Variants in PARD3B observed in about 807,000 individuals in gnomAD.
PARD3B encodes the protein par-3 family cell polarity regulator beta, also known as partitioning defective 3 homolog B.
PARD3B carries 103 observed loss-of-function variants against 130.2 expected under a neutral mutation model. That is an observed-to-expected ratio of 0.79 (90% CI 0.67 to 0.93). The LOEUF is 0.93. Among genes scored for constraint, PARD3B ranks in the 40% least tolerant of loss-of-function variants. The pLI, the probability that PARD3B is intolerant of heterozygous loss-of-function variation, is 0.00. For synonymous variants in PARD3B, 583 were observed against 553.2 expected, an observed-to-expected ratio of 1.05 and a Z score of -0.76; for missense variants, 1,609 against 1,499.2, an observed-to-expected ratio of 1.07 and a Z score of -1.21.
chr2:205,111,216 T>C (rs558477887), intron 5 of PARD3B, among the ~76,000 whole-genome samples: 1 of 152,196 alleles, frequency 6.6e-6, no homozygotes, highest in Non-Finnish European at 1.5e-5. Context: ...GTAAACAAAA[T>C]TGAAAGTCTG....
In PARD3B at chr2:204,890,701, G is replaced by T. The variant is rs371629004; in HGVS notation, c.223-74451G>T. ...TCACAAAGTGACAACTGAGCTAGAT[G>T]TACACATGGCCTAAGGCCTGCTAGC... On this transcript the variant is annotated intron_variant, in intron 2 of 22. Transcript: ENST00000406610. The surrounding 1 kb of genome is among the most constrained non-coding windows in gnomAD (Gnocchi z 4.9). Among the ~76,000 whole-genome samples the T allele has an allele frequency of 2.6e-5, 4 of 152,150 alleles. No homozygotes were observed. The highest frequency in any genetic ancestry group is 7.2e-5 in the African/African-American group (3 of 41,432).
chr2:205,284,805 A>C (rs1251914897), intron 16 of PARD3B, among the ~76,000 whole-genome samples: 1 of 152,174 alleles, frequency 6.6e-6, no homozygotes, highest in Non-Finnish European at 1.5e-5. Context: ...GGTCTTTTAA[A>C]TCATCATAAA....
rs1384663426 is a variant in PARD3B at position 205,550,820 on chromosome 2, A to G, written c.3181-2504A>G. The stretch of plus-strand genomic sequence containing the variant: ...AATATATGCATATTTATATGTATAT[A>G]TGTATATTTTATGTATATTTGAATA... On this transcript the variant is annotated intron_variant, in intron 21 of 22. Transcript: ENST00000406610. This position sits in a 1 kb window ranked among gnomAD's most constrained non-coding sequence, Gnocchi z 4.5. 8.1e-5 allele frequency among the ~76,000 whole-genome samples: 12 copies of G among 148,774 alleles called. No individual in the cohort carries two copies. In the Admixed American group the frequency reaches 8.1e-4, roughly 10 times the overall value.
chr2:204,666,627 G>A (rs938618900), intron 1 of PARD3B, among the ~76,000 whole-genome samples: 7 of 152,018 alleles, frequency 4.6e-5, no homozygotes, highest in Admixed American at 1.3e-4. Flanking sequence ...AGAATTTGTC[G>A]ATGGATATCA....
chr2:204,744,766 G>A (rs533399530), intron 2 of PARD3B, among the ~76,000 whole-genome samples: 4 of 152,150 alleles, frequency 2.6e-5, no homozygotes, highest in South Asian at 4.2e-4. Context: ...GGGACCAGGC[G>A]GAAAACAGTG....
rs759338831 is a variant in PARD3B at position 205,300,821 on chromosome 2, A to C, written c.2392+85A>C. 2.7e-5 allele frequency: 35 copies of C among 1,304,808 alleles called. No individual in the cohort carries two copies. Among genetic ancestry groups the C allele is most frequent in the Admixed American group, 1.4e-4 (6 of 43,958 alleles). The allele number at this position is 1,304,808 out of a possible 1,614,324, so 80.8% of individuals were successfully genotyped here. A position where few individuals can be genotyped will look rare whatever the true frequency, so the allele number is the denominator to read the frequency against. On this transcript the variant is annotated intron_variant, in intron 17 of 22. Transcript: ENST00000406610. This position sits in a 1 kb window ranked among gnomAD's most constrained non-coding sequence, Gnocchi z 4.1. The stretch of plus-strand genomic sequence containing the variant: ...GCAAGAATGTGTGCTCAACTACAGA[A>C]AAAAATGATTTAAGGATCACAATTA...
At chr2:205,133,444 A>G (rs2032195407) in intron 10 of PARD3B, among the ~76,000 whole-genome samples, 2 of 152,192 alleles carry the variant, frequency 1.3e-5, no homozygotes, top group South Asian at 4.1e-4. Flanking sequence ...CTACTGAACC[A>G]GAAATTCTGG....
chr2:204,851,663 C>CAATAAAATA lies in PARD3B; in HGVS notation c.223-113488_223-113480dup, dbSNP rs1161561924. 2.6e-5 allele frequency among the ~76,000 whole-genome samples: 4 copies of CAATAAAATA among 151,844 alleles called. No individual in the cohort carries two copies. The South Asian group carries it at 6.2e-4, about 24-fold the overall frequency. On this transcript the variant is annotated intron_variant, in intron 2 of 22. Transcript: ENST00000406610. ...TCATTATTAATAAATGGGCACATTG[C>CAATAAAATA]AATAAAATATACGTTATCAACTGGC...
At chr2:205,490,474 T>C (rs2049656285) in intron 20 of PARD3B, among the ~76,000 whole-genome samples, 1 of 152,320 alleles carries the variant, frequency 6.6e-6, no homozygotes, top group Non-Finnish European at 1.5e-5. Context: ...TAGTATTCTG[T>C]GGTGTATATG....
chr2:204,989,815 T>A (rs1693492410), intron 3 of PARD3B, among the ~76,000 whole-genome samples: 1 of 152,276 alleles, frequency 6.6e-6, no homozygotes, highest in African/African-American at 2.4e-5. Flanking sequence ...CAGTATAGTT[T>A]CCTTTTTTAA....
At chr2:205,462,348 A>G (rs1258145150) in intron 20 of PARD3B, among the ~76,000 whole-genome samples, 1 of 152,218 alleles carries the variant, frequency 6.6e-6, no homozygotes, top group African/African-American at 2.4e-5. Flanking sequence ...TCTTTCATCA[A>G]TCAGTACATT....
rs1041370988 is a variant in PARD3B, at chr2:205,352,721, C to T, written c.2631-48292C>T. 1.3e-5 allele frequency among the ~76,000 whole-genome samples: 2 copies of T among 152,130 alleles called. No homozygotes were observed. The highest frequency in any genetic ancestry group is 2.9e-5 in the Non-Finnish European group (2 of 68,018). ...CGTTTTACTCACCCCTCATGCTTTGCACCTAAAGTGTGCTCATAACTTTGC... is the reference window on the plus strand; with the variant it reads ...CGTTTTACTCACCCCTCATGCTTTGTACCTAAAGTGTGCTCATAACTTTGC... On this transcript the variant is annotated intron_variant, in intron 18 of 22. Coordinates refer to ENST00000406610, the MANE Select transcript of PARD3B (RefSeq NM_001302769.2). This position sits in a 1 kb window ranked among gnomAD's most constrained non-coding sequence, Gnocchi z 5.2.
Position 204,664,980 on chromosome 2 carries a change from C to A in PARD3B, c.121-21201C>A, listed in dbSNP as rs1160750885. Among the ~76,000 whole-genome samples, 1 of 152,038 alleles carries A rather than the reference C, an allele frequency of 6.6e-6. No individual in the cohort carries two copies. Among genetic ancestry groups the A allele is most frequent in the Non-Finnish European group, 1.5e-5 (1 of 68,020 alleles). On this transcript the variant is annotated intron_variant, in intron 1 of 22. Transcript: ENST00000406610. This position sits in a 1 kb window ranked among gnomAD's most constrained non-coding sequence, Gnocchi z 5.2. ...TTTCTAGGTTCAGTTTTAGCAAATCCGTTGCTCTCATGAAGACTGTAGAGA... is the reference window on the plus strand; with the variant it reads ...TTTCTAGGTTCAGTTTTAGCAAATCAGTTGCTCTCATGAAGACTGTAGAGA...
At chr2:205,327,558 G>A (rs546410592) in intron 18 of PARD3B, among the ~76,000 whole-genome samples, 141 of 152,286 alleles carry the variant, frequency 9.3e-4, no homozygotes, top group African/African-American at 3.1e-3. Context: ...TTGCCCATGG[G>A]CAGATAGATT....
chr2:204,809,455 T>C (rs918196526), intron 2 of PARD3B, among the ~76,000 whole-genome samples: 6 of 152,088 alleles, frequency 3.9e-5, no homozygotes, highest in Admixed American at 1.3e-4. Context: ...TTTTTGTATA[T>C]GATATAAGGA....
At chr2:205,227,184 C>T (rs1221794226) in intron 15 of PARD3B, among the ~76,000 whole-genome samples, 2 of 151,982 alleles carry the variant, frequency 1.3e-5, no homozygotes, top group African/African-American at 4.8e-5. Context: ...CTATGAACAT[C>T]TATTTAGTCC....
Position 205,506,922 on chromosome 2 carries a change from ATCCAAC to A in PARD3B, c.3180+6895_3180+6900del. ...ATATCTTGACTTCAGGCAAAGCTGG[ATCCAAC>A]TCCTCCAGACAGGCCATTAGGAGTC... On this transcript the variant is annotated intron_variant, in intron 21 of 22. Coordinates refer to ENST00000406610, the MANE Select transcript of PARD3B (RefSeq NM_001302769.2). 1.3e-5 allele frequency among the ~76,000 whole-genome samples: 2 copies of A among 152,328 alleles called. 1 individual carries two copies. Among genetic ancestry groups the A allele is most frequent in the African/African-American group, 4.8e-5 (2 of 41,568 alleles).
intron 22 of PARD3B, among the ~76,000 whole-genome samples, chr2:205,569,147 T>A (rs2053470558): frequency 6.6e-6 from 1 of 151,176 alleles, no homozygotes; most frequent in African/African-American, 2.4e-5. Flanking sequence ...CAGCGAGGTT[T>A]AATTTTTCTC....
intron 18 of PARD3B, among the ~76,000 whole-genome samples, chr2:205,382,823 G>A (rs1049414444): frequency 2.6e-5 from 4 of 151,822 alleles, no homozygotes; most frequent in African/African-American, 9.7e-5. Context: ...ATTCAGTATT[G>A]GCCACTGGGA....
Sources: gnomAD v4.1 joint callset for allele counts (sites outside exome capture counted in the v4.1 genomes callset) on GRCh38, gnomAD v4.1.1 for gene constraint, Gnocchi (gnomAD v3.1) non-coding constraint, MANE v1.5 for transcripts, NCBI Gene and HGNC (gene_info 2026-07-23, HGNC 2026-07-21) for gene names.